COL12A1: variants seen among roughly 807,000 people sequenced by gnomAD.
COL12A1 encodes the protein collagen type XII alpha 1 chain, also known as collagen alpha-1(XII) chain.
A neutral mutation model predicts 349.7 loss-of-function variants in COL12A1; 114 were observed. That is an observed-to-expected ratio of 0.33 (90% CI 0.28 to 0.38). The LOEUF (loss-of-function observed/expected upper bound fraction) is 0.38. COL12A1 is among the 10% of genes least tolerant of loss of function. The pLI is 1.00. For synonymous variants in COL12A1, 1,369 were observed against 1,329.0 expected (o/e 1.03, Z -0.66); for missense variants, 3,284 against 3,756.9 (o/e 0.87, Z 3.29).
intron 38 of COL12A1, among the ~76,000 whole-genome samples, chr6:75,127,978 A>G (rs1480966803): frequency 6.6e-6 from 1 of 152,198 alleles, no homozygotes; most frequent in Admixed American, 6.5e-5. Context: ...CTTAACTGAC[A>G]CCATACCAGT....
chr6:75,168,782 T>C (rs1202673581), intron 13 of COL12A1, among the ~76,000 whole-genome samples: 1 of 152,176 alleles, frequency 6.6e-6, no homozygotes, highest in Non-Finnish European at 1.5e-5. Context: ...GCTGGGTCAG[T>C]GTGGGAAGGA....
intron 2 of COL12A1, among the ~76,000 whole-genome samples, chr6:75,202,511 G>A (rs1449051005): frequency 1.3e-5 from 2 of 152,210 alleles, no homozygotes; most frequent in African/African-American, 4.8e-5. Flanking sequence ...TGTACGGAAT[G>A]CATTAAGCAG....
intron 2 of COL12A1, among the ~76,000 whole-genome samples, chr6:75,196,786 A>G (rs1770248722): frequency 6.6e-6 from 1 of 152,254 alleles, no homozygotes; most frequent in African/African-American, 2.4e-5. Context: ...AAAAATCAGT[A>G]CATGGAAAAA....
chr6:75,177,142 T>G (rs757820025), intron 12 of COL12A1, among the ~76,000 whole-genome samples: 9 of 152,142 alleles, frequency 5.9e-5, no homozygotes, highest in Non-Finnish European at 1.2e-4. Context: ...GCATTTAAAT[T>G]CTATTGACAC....
In COL12A1 at chr6:75,124,323, G is replaced by A. The variant is rs1393531244; in HGVS notation, c.6656C>T (p.Thr2219Ile). 1.2e-6 allele frequency: 2 copies of A among 1,613,368 alleles called. No individual in the cohort carries two copies. The highest frequency in any genetic ancestry group is 1.7e-6 in the Non-Finnish European group (2 of 1,179,706). Residue 2219 changes from threonine (T) to isoleucine (I), a missense_variant, in exon 41 of 66, where the codon ACA becomes ATA. Transcript: ENST00000322507. ...DLKTYQIGWD[T>I]FCVKWSPHRA... is the part of the protein sequence containing the mutation. ...GTGAGGTGACCATTTGACACAGAAT[G>A]TATCCCACCCAATCTGGTAAGTTTT... is the stretch of plus-strand genomic sequence containing the variant.
At chr6:75,148,248 G>C (rs1355935348) in intron 22 of COL12A1, 110 bp downstream of exon 22, 24 of 1,056,564 alleles carry the variant, frequency 2.3e-5, no homozygotes, top group Non-Finnish European at 3.1e-5. Flanking sequence ...ACTCATTTCT[G>C]GCCCCTCTTC....
rs973383679 is a variant in COL12A1, at chr6:75,090,600, G to A, written c.8753-302C>T. Among the ~76,000 whole-genome samples, 5 of 152,208 alleles carry A rather than the reference G, an allele frequency of 3.3e-5. No homozygotes were observed. Among genetic ancestry groups the A allele is most frequent in the African/African-American group, 1.2e-4 (5 of 41,450 alleles). On this transcript the variant is annotated intron_variant, in intron 62 of 65. Coordinates refer to ENST00000322507, the MANE Select transcript of COL12A1 (RefSeq NM_004370.6). The surrounding 1 kb of genome is among the most constrained non-coding windows in gnomAD (Gnocchi z 4.1). ...AATAAAGTCTTGAGATTTACCAGGTGACATCACTCAAAAGAAAACCTTTTT... is the reference window on the plus strand; with the variant it reads ...AATAAAGTCTTGAGATTTACCAGGTAACATCACTCAAAAGAAAACCTTTTT...
rs920759306 is a variant in COL12A1, at chr6:75,125,258, A to G, written c.6476T>C (p.Met2159Thr). 5 of 1,607,628 alleles carry G rather than the reference A, an allele frequency of 3.1e-6. No homozygotes were observed. Among genetic ancestry groups the G allele is most frequent in the Non-Finnish European group, 4.2e-6 (5 of 1,176,902 alleles). ...VYKPVGSNEPMEAFVGEMTSY... is the reference protein window; with the variant it reads ...VYKPVGSNEPTEAFVGEMTSY... ...TGTCATTTCTCCAACAAAGGCTTCCATGGGCTCATTGGAACCTTTATTAAC... is the reference window on the plus strand; with the variant it reads ...TGTCATTTCTCCAACAAAGGCTTCCGTGGGCTCATTGGAACCTTTATTAAC... Residue 2159 changes from methionine to threonine, a missense_variant, in exon 40 of 66, where the codon ATG (methionine) becomes ACG (threonine). Physicochemically the swap from Met to Thr is moderately conservative, Grantham distance 81. This residue lies in a region of COL12A1 where 2,601 missense variants were observed against 2,824.8 expected (regional missense o/e 0.92). Coordinates refer to ENST00000322507, the MANE Select transcript of COL12A1 (RefSeq NM_004370.6).
intron 59 of COL12A1, 32 bp downstream of exon 59, chr6:75,097,221 G>A: frequency 6.2e-7 from 1 of 1,604,330 alleles, no homozygotes; most frequent in Non-Finnish European, 8.5e-7. Flanking sequence ...TGGGAGTGAA[G>A]GGCACAAAAA....
At chr6:75,140,655 C>CAAAAAAAAA (rs1236499281) in intron 27 of COL12A1, among the ~76,000 whole-genome samples, 2 of 46,130 alleles carry the variant, frequency 4.3e-5, no homozygotes, top group African/African-American at 1.8e-4. Context: ...GACTCTGTCT[C>CAAAAAAAAA]AAAAAAAAAA....
At chr6:75,159,051 G>T (rs971529027) in intron 14 of COL12A1, among the ~76,000 whole-genome samples, 4 of 151,622 alleles carry the variant, frequency 2.6e-5, no homozygotes, top group African/African-American at 7.3e-5. Context: ...GAAACATAAA[G>T]AAACTATACC....
intron 2 of COL12A1, among the ~76,000 whole-genome samples, chr6:75,200,819 C>T (rs1427305151): frequency 1.3e-5 from 2 of 151,906 alleles, no homozygotes; most frequent in Non-Finnish European, 2.9e-5. Context: ...ATTTGTGGCT[C>T]ATACCATATT....
chr6:75,192,824 A>G (rs1340110196), intron 3 of COL12A1, among the ~76,000 whole-genome samples: 1 of 152,126 alleles, frequency 6.6e-6, no homozygotes, highest in Non-Finnish European at 1.5e-5. Context: ...GTGGGAAAAA[A>G]TCTGTGTGGA....
Position 75,152,456 on chromosome 6 carries a change from C to T in COL12A1, c.3592G>A (p.Ala1198Thr), listed in dbSNP as rs752018748. 1.7e-5 allele frequency: 27 copies of T among 1,613,396 alleles called. No individual in the cohort carries two copies. The highest frequency in any genetic ancestry group is 2.2e-5 in the Non-Finnish European group (26 of 1,179,632). Residue 1198 changes from alanine (A) to threonine (T), a missense_variant, in exon 18 of 66, where the codon GCA (alanine) becomes ACA (threonine). Physicochemically the swap from Ala to Thr is moderately conservative, Grantham distance 58. This residue lies in a region of COL12A1 where 2,601 missense variants were observed against 2,824.8 expected (regional missense o/e 0.92). Transcript: ENST00000322507. ...SGMECLTRAE[A>T]DIVLLVDGSW... ...CCATCCACCAGCAACACAATGTCTGCCTCAGCTCTGGTGAGACACTCCATC... is the reference window on the plus strand; with the variant it reads ...CCATCCACCAGCAACACAATGTCTGTCTCAGCTCTGGTGAGACACTCCATC...
At chr6:75,165,810 T>TA (rs1768267903) in intron 13 of COL12A1, 31 bp from the exon 14 acceptor site, 2 of 1,594,190 alleles carry the variant, frequency 1.3e-6, no homozygotes, top group Non-Finnish European at 1.7e-6. Flanking sequence ...GAATCTTTTT[T>TA]AAAAATGTCT....
At chr6:75,190,914 G>C (rs1378121566) in intron 5 of COL12A1, among the ~76,000 whole-genome samples, 1 of 151,816 alleles carries the variant, frequency 6.6e-6, no homozygotes, top group East Asian at 1.9e-4. Flanking sequence ...CTGAAATAAT[G>C]ATAAACAGTG....
chr6:75,183,589 A>G lies in COL12A1; in HGVS notation c.1352T>C (p.Ile451Thr), dbSNP rs1412004095. ...IVFLVDGSYSIGIANFVKVRA... is the reference protein window; with the variant it reads ...IVFLVDGSYSTGIANFVKVRA... ...AACTTTAACAAAGTTTGCAATCCCA[A>G]TGCTATAGGAGCCATCAACCAAAAA... Residue 451 changes from isoleucine to threonine, a missense_variant, in exon 10 of 66, where the codon ATT becomes ACT. Transcript: ENST00000322507. 1.2e-6 allele frequency: 2 copies of G among 1,614,140 alleles called. No homozygotes were observed. Among genetic ancestry groups the G allele is most frequent in the African/African-American group, 1.3e-5 (1 of 75,046 alleles).
At position 75,156,507 on chromosome 6, in the gene COL12A1, T is replaced by G. The variant is rs1767775230; in HGVS notation, c.3000A>C (p.Lys1000Asn). The G allele has an allele frequency of 6.2e-7, 1 of 1,613,466 alleles. No homozygotes were observed. The highest frequency in any genetic ancestry group is 8.5e-7 in the Non-Finnish European group (1 of 1,179,732). The part of the protein sequence containing the change: ...DATTELSQDS[K>N]TLKVDEETEN... ...CTGTTTCTTCATCTACTTTCAGGGT[T>G]TTGGAATCTTGAGATACTGGGAGAT... Residue 1000 changes from lysine (K) to asparagine (N), a missense_variant, in exon 15 of 66, where the codon AAA (lysine) becomes AAC (asparagine). Around this residue, in one of 2 missense-constraint regions of COL12A1, gnomAD observed 2,601 missense variants for 2,824.8 expected, o/e 0.92. Transcript: ENST00000322507.
intron 13 of COL12A1, among the ~76,000 whole-genome samples, chr6:75,170,177 T>C (rs1283694823): frequency 6.6e-6 from 1 of 152,184 alleles, no homozygotes; most frequent in African/African-American, 2.4e-5. Flanking sequence ...TAACACAAAT[T>C]AGCCAATGAT....
Sources: allele counts gnomAD v4.1 joint callset (sites outside exome capture counted in the v4.1 genomes callset), GRCh38; gene constraint gnomAD v4.1.1; regional missense constraint gnomAD v4.1.1; non-coding constraint Gnocchi (gnomAD v3.1); transcripts MANE v1.5; gene names NCBI Gene and HGNC (gene_info 2026-07-23, HGNC 2026-07-21).